AGBL4: variants seen among roughly 807,000 people sequenced by gnomAD.
AGBL4 encodes the protein cytosolic carboxypeptidase 6.
AGBL4 carries 58 observed loss-of-function variants against 66.4 expected under a neutral mutation model. The ratio of observed to expected loss-of-function variants is 0.87; its 90% CI spans 0.71 to 1.09. The LOEUF is 1.09. AGBL4 is among the 50% of genes least tolerant of loss of function. The pLI, the probability that AGBL4 is intolerant of heterozygous loss-of-function variation, is 0.00. For synonymous variants in AGBL4, 234 were observed against 222.9 expected, an observed-to-expected ratio of 1.05 and a Z score of -0.44; for missense variants, 579 against 631.0, an observed-to-expected ratio of 0.92 and a Z score of 0.88.
chr1:48,552,756 G>C (rs944459576), intron 11 of AGBL4, among the ~76,000 whole-genome samples: 1 of 152,098 alleles, frequency 6.6e-6, no homozygotes, highest in Non-Finnish European at 1.5e-5. Context: ...CAAGTGACAT[G>C]AGAGAGGTGG....
At chr1:49,955,302 CAA>C (rs1406600180) in intron 1 of AGBL4, among the ~76,000 whole-genome samples, 1 of 151,918 alleles carries the variant, frequency 6.6e-6, no homozygotes, top group African/African-American at 2.4e-5. Context: ...CTTACAAAAA[CAA>C]AGTTTCACTA....
intron 2 of AGBL4, among the ~76,000 whole-genome samples, chr1:49,743,327 G>A (rs561442688): frequency 8.7e-4 from 132 of 152,298 alleles, no homozygotes; most frequent in African/African-American, 3.1e-3. Flanking sequence ...AGCCATCAGA[G>A]AAATGCAAAT....
intron 4 of AGBL4, among the ~76,000 whole-genome samples, chr1:49,079,359 C>G (rs935875278): frequency 1.3e-5 from 2 of 152,112 alleles, no homozygotes; most frequent in African/African-American, 4.8e-5. Context: ...ACTCACCATG[C>G]CACATGCCTG....
In AGBL4 at chr1:49,120,330, G is replaced by A. The variant is rs938905014; in HGVS notation, c.378-74530C>T. Among the ~76,000 whole-genome samples, 3 of 152,202 alleles carry A rather than the reference G, an allele frequency of 2.0e-5. No homozygotes were observed. In the East Asian group the frequency reaches 5.8e-4, roughly 29 times the overall value. On this transcript the variant is annotated intron_variant, in intron 4 of 13. Coordinates refer to ENST00000371839, the MANE Select transcript of AGBL4 (RefSeq NM_032785.4). ...GCTGGTACCAGTTGTTTCTTTCCAT[G>A]TTTAGTGCTTCCTTCAGAAGCTCTT...
At chr1:49,864,621 AC>A (rs1182389631) in intron 1 of AGBL4, among the ~76,000 whole-genome samples, 3 of 152,140 alleles carry the variant, frequency 2.0e-5, no homozygotes, top group Non-Finnish European at 4.4e-5. Context: ...TGGTTGTGCT[AC>A]CCAACCTGGG....
intron 5 of AGBL4, among the ~76,000 whole-genome samples, chr1:48,979,732 A>G (rs1265452410): frequency 2.0e-5 from 3 of 152,104 alleles, no homozygotes; most frequent in African/African-American, 7.2e-5. Flanking sequence ...TATATAATGT[A>G]AGAAAGACAC....
At chr1:48,714,661 G>C (rs533670619) in intron 6 of AGBL4, among the ~76,000 whole-genome samples, 1 of 152,102 alleles carries the variant, frequency 6.6e-6, no homozygotes, top group Non-Finnish European at 1.5e-5. Context: ...TGACCATGCC[G>C]CTTCCTGGCT....
intron 1 of AGBL4, among the ~76,000 whole-genome samples, chr1:49,920,111 T>A (rs565241450): frequency 6.6e-6 from 1 of 152,330 alleles, no homozygotes; most frequent in East Asian, 1.9e-4. Context: ...AAGACTTACA[T>A]GTTAGACCTA....
chr1:48,703,960 A>G (rs56295397), intron 6 of AGBL4, among the ~76,000 whole-genome samples: 5,135 of 152,312 alleles, frequency 0.034, 295 homozygotes, highest in African/African-American at 0.11. Context: ...GCATGGTTGT[A>G]CGAACAGCAC....
intron 4 of AGBL4, among the ~76,000 whole-genome samples, chr1:49,130,341 G>T (rs1235953685): frequency 1.3e-5 from 2 of 152,118 alleles, no homozygotes; most frequent in African/African-American, 4.8e-5. Context: ...GTCAATTTTG[G>T]CTTCGGTTGC....
intron 1 of AGBL4, among the ~76,000 whole-genome samples, chr1:49,886,567 A>G (rs1648058190): frequency 6.6e-6 from 1 of 152,178 alleles, no homozygotes; most frequent in Admixed American, 6.5e-5. Context: ...AGAGAGGAGA[A>G]AAAATAAAGC....
intron 3 of AGBL4, among the ~76,000 whole-genome samples, chr1:49,302,421 T>G: frequency 6.6e-6 from 1 of 151,426 alleles, no homozygotes; most frequent in East Asian, 2.0e-4. Context: ...CCCAGCTAAT[T>G]TTTTTGTATT....
At chr1:48,557,865 A>G (rs924491350) in intron 11 of AGBL4, among the ~76,000 whole-genome samples, 3 of 152,172 alleles carry the variant, frequency 2.0e-5, no homozygotes, top group East Asian at 1.9e-4. Flanking sequence ...GGGACTACCC[A>G]TTGGACCCCT....
At chr1:48,946,013 A>C (rs915670497) in intron 5 of AGBL4, among the ~76,000 whole-genome samples, 1 of 152,196 alleles carries the variant, frequency 6.6e-6, no homozygotes, top group Non-Finnish European at 1.5e-5. Flanking sequence ...ATGAGAATAG[A>C]TATTCTTCCT....
At chr1:49,588,955 G>A (rs1405548786) in intron 3 of AGBL4, among the ~76,000 whole-genome samples, 1 of 150,252 alleles carries the variant, frequency 6.7e-6, no homozygotes, top group Non-Finnish European at 1.5e-5. Context: ...GGTGAACTGG[G>A]GATTTTTAAG....
chr1:49,917,204 C>A (rs1206389494), intron 1 of AGBL4, among the ~76,000 whole-genome samples: 1 of 152,124 alleles, frequency 6.6e-6, no homozygotes, highest in African/African-American at 2.4e-5. Flanking sequence ...CAGCTAACAT[C>A]ATCATGACAG....
intron 3 of AGBL4, among the ~76,000 whole-genome samples, chr1:49,514,172 C>T (rs546609512): frequency 1.6e-3 from 240 of 151,982 alleles, no homozygotes; most frequent in Admixed American, 3.9e-3. Flanking sequence ...CAAACAGGGA[C>T]AATTTGACTT....
At chr1:49,908,568 G>A (rs1275074007) in intron 1 of AGBL4, among the ~76,000 whole-genome samples, 3 of 152,108 alleles carry the variant, frequency 2.0e-5, no homozygotes, top group African/African-American at 7.2e-5. Context: ...GCAGAACCGT[G>A]AGCCAATTAA....
intron 2 of AGBL4, among the ~76,000 whole-genome samples, chr1:49,756,692 A>C (rs1651911603): frequency 6.6e-6 from 1 of 152,302 alleles, no homozygotes; most frequent in African/African-American, 2.4e-5. Context: ...ATAGTGAGTA[A>C]GTTCTCACAA....
Sources: gnomAD v4.1 joint callset for allele counts (sites outside exome capture counted in the v4.1 genomes callset) on GRCh38, gnomAD v4.1.1 for gene constraint, MANE v1.5 for transcripts, NCBI Gene and HGNC (gene_info 2026-07-23, HGNC 2026-07-21) for gene names.